Variants in ACSL4 observed in about 807,000 individuals in gnomAD.
The protein encoded by ACSL4 is acyl-CoA synthetase long chain family member 4.
Under a neutral mutation model 49.1 loss-of-function variants are expected in ACSL4, and 9 were observed. The ratio of observed to expected loss-of-function variants is 0.18; its 90% CI spans 0.11 to 0.32. ACSL4 has a LOEUF of 0.32. ACSL4 is among the 10% of genes least tolerant of loss of function. ACSL4 has a pLI of 1.00. For missense variants in ACSL4, 333 were observed against 493.7 expected, an observed-to-expected ratio of 0.67 and a Z score of 3.08; for synonymous variants, 191 against 170.3, an observed-to-expected ratio of 1.12 and a Z score of -0.95.
intron 6 of ACSL4, 84 bp from the exon 7 acceptor site, chrX:109,678,499 A>G: frequency 1.8e-6 from 2 of 1,090,583 alleles, no homozygotes; most frequent in Non-Finnish European, 2.5e-6. Context: ...TAGATTTTGC[A>G]TAACGATAAG....
intron 1 of ACSL4, among the ~76,000 whole-genome samples, chrX:109,716,958 T>C (rs755670997): frequency 6.1e-4 from 69 of 112,393 alleles, no homozygotes; most frequent in Non-Finnish European, 1.2e-3. Context: ...AAGATATCCT[T>C]TTGCAGCTAT....
chrX:109,725,247 ATT>A (rs34867628), intron 1 of ACSL4, among the ~76,000 whole-genome samples: 1,546 of 84,112 alleles, frequency 0.018, 27 homozygotes, highest in African/African-American at 0.059. Flanking sequence ...ACACCCAGCT[ATT>A]TTTTTTTTTT....
intron 15 of ACSL4, among the ~76,000 whole-genome samples, chrX:109,650,003 C>T (rs1934944822): frequency 9.1e-6 from 1 of 110,007 alleles, no homozygotes; most frequent in South Asian, 4.0e-4. Context: ...GTTAGAATGG[C>T]AATCATTAAA....
intron 1 of ACSL4, among the ~76,000 whole-genome samples, chrX:109,721,416 A>C (rs1428477098): frequency 8.9e-6 from 1 of 112,128 alleles, no homozygotes; most frequent in Admixed American, 9.5e-5. Flanking sequence ...TCCACATTAA[A>C]GGTAATAAAA....
chrX:109,669,321 C>T, intron 9 of ACSL4, 148 bp from the exon 10 acceptor site: 1 of 429,759 alleles, frequency 2.3e-6, no homozygotes. Flanking sequence ...TCACTGACTA[C>T]TTGTTCACTA....
chrX:109,662,427 A>G lies in ACSL4; in HGVS notation c.1583-782T>C, dbSNP rs184867919. On this transcript the variant is annotated intron_variant, in intron 13 of 15. Transcript: ENST00000672401. ...TCCCAGGAAATCTCTAACTATATTC[A>G]GGTCAGATATCGTGAGGTCCAGCGA... Among the ~76,000 whole-genome samples the G allele has an allele frequency of 1.2e-4, 13 of 111,561 alleles. No individual in the cohort carries two copies. The East Asian group carries it at 3.7e-3, about 31-fold the overall frequency.
chrX:109,645,961 A>G (rs1425815051), intron 15 of ACSL4, among the ~76,000 whole-genome samples: 1 of 111,928 alleles, frequency 8.9e-6, no homozygotes, highest in Non-Finnish European at 1.9e-5. Context: ...GTGAGAAGGA[A>G]GTTTAGAGAA....
intron 9 of ACSL4, among the ~76,000 whole-genome samples, chrX:109,670,963 C>G (rs987618309): frequency 5.3e-5 from 6 of 112,304 alleles, no homozygotes; most frequent in Admixed American, 4.7e-4. Flanking sequence ...GTGGCGTGAT[C>G]TCGGCTGGCT....
intron 15 of ACSL4, among the ~76,000 whole-genome samples, chrX:109,653,228 G>A (rs909955761): frequency 1.9e-4 from 21 of 111,669 alleles, no homozygotes; most frequent in Non-Finnish European, 3.6e-4. Flanking sequence ...GGCCATCAGA[G>A]AAATGCAAAT....
intron 9 of ACSL4, among the ~76,000 whole-genome samples, chrX:109,670,784 C>T (rs1315017069): frequency 1.8e-5 from 2 of 111,773 alleles, no homozygotes; most frequent in African/African-American, 6.5e-5. Flanking sequence ...TGCCGCCACG[C>T]CTGACTGGTT....
intron 4 of ACSL4, 46 bp downstream of exon 4, chrX:109,682,673 A>G (rs374056957): frequency 8.7e-5 from 104 of 1,195,931 alleles, no homozygotes; most frequent in Non-Finnish European, 1.1e-4. Context: ...TCTCACATGC[A>G]AGCAAAGACC....
intron 1 of ACSL4, among the ~76,000 whole-genome samples, chrX:109,704,744 T>C (rs1926224597): frequency 9.0e-6 from 1 of 111,010 alleles, no homozygotes; most frequent in South Asian, 3.7e-4. Flanking sequence ...AGCAGAATGG[T>C]GGTGACCAGG....
intron 15 of ACSL4, among the ~76,000 whole-genome samples, chrX:109,647,047 G>C (rs1055577475): frequency 1.8e-5 from 2 of 111,187 alleles, no homozygotes; most frequent in Non-Finnish European, 3.8e-5. Context: ...CCTAAAAAGA[G>C]ACTTAGACTC....
In ACSL4 at chrX:109,644,013, A is replaced by G; in HGVS notation, c.*16T>C. On this transcript the variant is annotated 3_prime_UTR_variant, in exon 16 of 16. Coordinates refer to ENST00000672401, the MANE Select transcript of ACSL4 (RefSeq NM_001318510.2). ...CAGGCTACCTCCTGCACAACTGTCA[A>G]TAAGACAACAACATTTTATTTGCCC... 1 of 1,210,968 alleles carries G rather than the reference A, an allele frequency of 8.3e-7. No individual in the cohort carries two copies. Among genetic ancestry groups the G allele is most frequent in the Non-Finnish European group, 1.1e-6 (1 of 894,733 alleles).
intron 8 of ACSL4, among the ~76,000 whole-genome samples, chrX:109,676,608 T>TC (rs984690086): frequency 6.4e-4 from 71 of 111,142 alleles, no homozygotes; most frequent in Middle Eastern, 4.7e-3. Context: ...TTTTTTTTTT[T>TC]CCCCTAAGCC....
At chrX:109,671,018 C>T (rs1482254871) in intron 9 of ACSL4, among the ~76,000 whole-genome samples, 3 of 112,543 alleles carry the variant, frequency 2.7e-5, no homozygotes, top group Non-Finnish European at 5.6e-5. Context: ...CCCAAAGTGC[C>T]GAGATTGCAG....
intron 15 of ACSL4, among the ~76,000 whole-genome samples, 173 bp from the exon 16 acceptor site, chrX:109,644,359 G>A (rs374788409): frequency 9.1e-6 from 1 of 109,981 alleles, no homozygotes; most frequent in African/African-American, 3.3e-5. Flanking sequence ...TTATTTAATG[G>A]TATACTAGAT....
At chrX:109,667,003 T>G (rs918960242) in intron 11 of ACSL4, among the ~76,000 whole-genome samples, 4 of 111,728 alleles carry the variant, frequency 3.6e-5, no homozygotes, top group African/African-American at 1.3e-4. Context: ...AGAAACCTAA[T>G]GAAGGAATGA....
At chrX:109,661,824 CAT>C (rs1569420551) in intron 13 of ACSL4, among the ~76,000 whole-genome samples, 179 bp from the exon 14 acceptor site, 1 of 110,895 alleles carries the variant, frequency 9.0e-6, no homozygotes, top group Non-Finnish European at 1.9e-5. Flanking sequence ...GCAAAAACTG[CAT>C]ATATATAATG....
Sources: allele counts gnomAD v4.1 joint callset (sites outside exome capture counted in the v4.1 genomes callset), GRCh38; gene constraint gnomAD v4.1.1; transcripts MANE v1.5; gene names NCBI Gene and HGNC (gene_info 2026-07-23, HGNC 2026-07-21).